The following C7 variants were observed in gnomAD, a reference collection of about 807,000 sequenced individuals.
C7 encodes the protein complement C7, also known as complement component C7.
Under a neutral mutation model 104.8 loss-of-function variants are expected in C7, and 83 were observed. That is an observed-to-expected ratio of 0.79 (90% CI 0.66 to 0.95). The LOEUF (loss-of-function observed/expected upper bound fraction) is 0.95. Among genes scored for constraint, C7 ranks in the 40% least tolerant of loss-of-function variants. The probability of loss-of-function intolerance (pLI) is 0.00; values close to 1 mark genes in which losing one functional copy is unlikely to be tolerated. For missense variants in C7, 1,070 were observed against 1,011.2 expected (o/e 1.06, Z -0.79); for synonymous variants, 415 against 360.6 (o/e 1.15, Z -1.71).
chr5:40,981,362 C>T, intron 17 of C7, 30 bp from the exon 18 acceptor site: 1 of 1,591,600 alleles, frequency 6.3e-7, no homozygotes, highest in Non-Finnish European at 8.6e-7. Flanking sequence ...CCACAATGTA[C>T]CATTAAGCCT....
At chr5:40,922,264 A>G (rs1739453735) in intron 1 of C7, among the ~76,000 whole-genome samples, 4 of 146,052 alleles carry the variant, frequency 2.7e-5, no homozygotes, top group African/African-American at 1.0e-4. Flanking sequence ...AGTCCCATCT[A>G]CTTGGGAGGC....
chr5:40,952,440 C>T (rs565660862), intron 9 of C7, among the ~76,000 whole-genome samples: 29 of 151,796 alleles, frequency 1.9e-4, no homozygotes, highest in African/African-American at 6.8e-4. Flanking sequence ...GAGGCTAAAG[C>T]CTTAAAAAAA....
chr5:40,936,298 C>A (rs2111596278), intron 4 of C7, 40 bp from the exon 5 acceptor site: 1 of 1,609,200 alleles, frequency 6.2e-7, no homozygotes, highest in East Asian at 2.2e-5. Context: ...TTCTCCTCTT[C>A]CCTCTTTTAC....
intron 14 of C7, among the ~76,000 whole-genome samples, chr5:40,971,023 GTAA>G: frequency 6.6e-6 from 1 of 152,136 alleles, no homozygotes; most frequent in South Asian, 2.1e-4. Context: ...CTTTGCTATT[GTAA>G]GTAGTGCTGC....
chr5:40,933,434 C>A (rs1314386767), intron 3 of C7, among the ~76,000 whole-genome samples: 2 of 152,078 alleles, frequency 1.3e-5, no homozygotes, highest in South Asian at 2.1e-4. Flanking sequence ...AGGGGTAGAT[C>A]TTTCTTTTTG....
intron 3 of C7, among the ~76,000 whole-genome samples, chr5:40,934,100 C>A (rs1462621506): frequency 6.6e-6 from 1 of 151,314 alleles, no homozygotes; most frequent in Non-Finnish European, 1.5e-5. Context: ...CCTGGGAGCT[C>A]TCTATAAATA....
Position 40,979,750 on chromosome 5 carries a change from G to A in C7, c.2191G>A (p.Asp731Asn). 6.2e-7 allele frequency: 1 copy of A among 1,613,366 alleles called. No individual in the cohort carries two copies. The highest frequency in any genetic ancestry group is 8.5e-7 in the Non-Finnish European group (1 of 1,179,570). The stretch of plus-strand genomic sequence containing the variant: ...ACCTTCCTTGGATGTATGTGCTCAA[G>A]ATGAGAGAAGCAAAAGGATACTGCC... ...CGPSLDVCAQ[D>N]ERSKRILPLT... Residue 731 changes from aspartate to asparagine, a missense_variant, in exon 17 of 18, where the codon GAT (aspartate) becomes AAT (asparagine). Transcript: ENST00000313164.
Position 40,962,105 on chromosome 5 carries a change from T to C in C7, c.1682T>C (p.Phe561Ser). 6.4e-7 allele frequency: 1 copy of C among 1,555,454 alleles called. No homozygotes were observed. Among genetic ancestry groups the C allele is most frequent in the South Asian group, 1.2e-5 (1 of 81,006 alleles). ...TCCAGGTTGCTTGAACCACATTGCT[T>C]TCCTTTGTCTTTGGTTCCAACAGAA... is the stretch of plus-strand genomic sequence containing the variant. ...EHLRLLEPHCFPLSLVPTEFC... is the reference protein window; with the variant it reads ...EHLRLLEPHCSPLSLVPTEFC... Residue 561 changes from phenylalanine (F) to serine (S), a missense_variant, in exon 13 of 18, where the codon TTT (phenylalanine) becomes TCT (serine). Physicochemically the swap from Phe to Ser is radical, Grantham distance 155. Coordinates refer to ENST00000313164, the MANE Select transcript of C7 (RefSeq NM_000587.4).
At chr5:40,933,587 T>A (rs1739741788) in intron 3 of C7, among the ~76,000 whole-genome samples, 1 of 152,238 alleles carries the variant, frequency 6.6e-6, no homozygotes, top group Non-Finnish European at 1.5e-5. Flanking sequence ...ATTTTACGTA[T>A]TCCTTTGTAG....
chr5:40,940,319 A>G (rs941750815), intron 6 of C7, among the ~76,000 whole-genome samples: 3 of 152,154 alleles, frequency 2.0e-5, no homozygotes, highest in Non-Finnish European at 4.4e-5. Context: ...CTGTCTACTT[A>G]TACATTTTAT....
intron 6 of C7, among the ~76,000 whole-genome samples, chr5:40,941,014 T>C (rs1471906903): frequency 2.0e-5 from 3 of 150,708 alleles, no homozygotes; most frequent in African/African-American, 7.3e-5. Flanking sequence ...TGGGTGGGAG[T>C]GGGAGAGAGA....
rs781453586 is a variant in C7, at chr5:40,981,435, G to A, written c.2394G>A (p.Glu798=). The A allele has an allele frequency of 2.4e-5, 39 of 1,613,394 alleles. No homozygotes were observed. Among genetic ancestry groups the A allele is most frequent in the Non-Finnish European group, 3.1e-5 (37 of 1,179,674 alleles). The change falls in exon 18 of 18, where the codon GAG becomes GAA. Residue 798 remains glutamate, a synonymous_variant. Coordinates refer to ENST00000313164, the MANE Select transcript of C7 (RefSeq NM_000587.4). The part of the protein sequence containing the change: ...KCVCREASEC[E]EEGFSICVEV... ...TCTGCCGAGAAGCATCGGAGTGCGA[G>A]GAAGAAGGGTTTAGCATTTGTGTGG...
Position 40,951,186 on chromosome 5 carries a change from C to T in C7, c.1093+1172C>T, listed in dbSNP as rs76004329. ...TTAGTTGCTGCTTTTGAGAAGTGTCCGTTCATGTCTTTTGTCCATTTTTAA... is the reference window on the plus strand; with the variant it reads ...TTAGTTGCTGCTTTTGAGAAGTGTCTGTTCATGTCTTTTGTCCATTTTTAA... On this transcript the variant is annotated intron_variant, in intron 9 of 17. Transcript: ENST00000313164. 8.5e-5 allele frequency among the ~76,000 whole-genome samples: 13 copies of T among 152,072 alleles called. No homozygotes were observed. In the East Asian group the frequency reaches 2.3e-3, roughly 27 times the overall value.
At chr5:40,977,925 G>A (rs936987400) in intron 16 of C7, among the ~76,000 whole-genome samples, 8 of 152,090 alleles carry the variant, frequency 5.3e-5, no homozygotes, top group African/African-American at 1.7e-4. Context: ...CTCGAGCTCA[G>A]GAGTTCAAGA....
intron 1 of C7, among the ~76,000 whole-genome samples, chr5:40,919,778 GTTATC>G (rs998706933): frequency 2.6e-5 from 4 of 151,992 alleles, no homozygotes; most frequent in African/African-American, 9.7e-5. Flanking sequence ...TAAAAATCTT[GTTATC>G]TTAAGATAAA....
rs534189468 is a variant in C7, at chr5:40,962,142, A to T, written c.1719A>T (p.Ser573=). Residue 573 remains serine (S), a synonymous_variant, in exon 13 of 18, where the codon TCA becomes TCT. Coordinates refer to ENST00000313164, the MANE Select transcript of C7 (RefSeq NM_000587.4). ...TGGTTCCAACAGAATTCTGTCCATCACCTCCTGCCTTGAAAGATGGATTTG... is the reference window on the plus strand; with the variant it reads ...TGGTTCCAACAGAATTCTGTCCATCTCCTCCTGCCTTGAAAGATGGATTTG... ...LSLVPTEFCP[S]PPALKDGFVQ... The T allele has an allele frequency of 1.3e-6, 2 of 1,568,208 alleles. No homozygotes were observed.
intron 11 of C7, among the ~76,000 whole-genome samples, chr5:40,959,139 C>A (rs976596477): frequency 3.9e-5 from 6 of 152,144 alleles, no homozygotes; most frequent in Non-Finnish European, 8.8e-5. Flanking sequence ...ATTTCCTGCC[C>A]ACCTCCATTC....
intron 1 of C7, among the ~76,000 whole-genome samples, chr5:40,915,790 C>A (rs1173658489): frequency 6.6e-6 from 1 of 152,028 alleles, no homozygotes; most frequent in East Asian, 1.9e-4. Flanking sequence ...AGAACTCTAA[C>A]AGCCAGAAGC....
chr5:40,948,920 A>AT (rs996031266), intron 8 of C7, among the ~76,000 whole-genome samples: 85 of 151,242 alleles, frequency 5.6e-4, no homozygotes, highest in African/African-American at 1.6e-3. Context: ...CCACTGAGCT[A>AT]TTTTTTTTTG....
Sources: gnomAD v4.1 joint callset for allele counts (sites outside exome capture counted in the v4.1 genomes callset) on GRCh38, gnomAD v4.1.1 for gene constraint, MANE v1.5 for transcripts, NCBI Gene and HGNC (gene_info 2026-07-23, HGNC 2026-07-21) for gene names.